AP4S1: variants seen among roughly 807,000 people sequenced by gnomAD.
AP4S1 encodes AP-4 complex subunit sigma-1.
A neutral mutation model predicts 19.8 loss-of-function variants in AP4S1; 23 were observed. That is an observed-to-expected ratio of 1.16 (90% confidence interval 0.84 to 1.65). The LOEUF (loss-of-function observed/expected upper bound fraction) is 1.65. Among genes scored for constraint, AP4S1 ranks in the 40% most tolerant of loss-of-function variants. AP4S1 has a pLI of 0.00. For missense variants in AP4S1, 166 were observed against 172.8 expected (o/e 0.96, Z 0.22); for synonymous variants, 46 against 54.1 (o/e 0.85, Z 0.66).
chr14:31,066,586 C>T (rs1886730311), intron 2 of AP4S1, among the ~76,000 whole-genome samples: 1 of 152,148 alleles, frequency 6.6e-6, no homozygotes, highest in Non-Finnish European at 1.5e-5. Context: ...CTCAATGCAC[C>T]TTGGAAACGA....
At chr14:31,088,221 C>T (rs956773780) in intron 5 of AP4S1, among the ~76,000 whole-genome samples, 2 of 152,144 alleles carry the variant, frequency 1.3e-5, no homozygotes, top group Admixed American at 1.3e-4. Flanking sequence ...TTTCAGGAGC[C>T]CGCTAGGTGC....
At chr14:31,064,962 A>G (rs1388296912) in intron 1 of AP4S1, among the ~76,000 whole-genome samples, 1 of 152,180 alleles carries the variant, frequency 6.6e-6, no homozygotes, top group East Asian at 1.9e-4. Context: ...TCAAAAATAA[A>G]GTAAGGATAA....
chr14:31,047,001 A>G (rs1348070624), intron 1 of AP4S1, among the ~76,000 whole-genome samples: 1 of 152,178 alleles, frequency 6.6e-6, no homozygotes, highest in Non-Finnish European at 1.5e-5. Flanking sequence ...TCCACATCTT[A>G]GCATTTGTTA....
At chr14:31,058,515 C>CTG in intron 1 of AP4S1, among the ~76,000 whole-genome samples, 1 of 132,648 alleles carries the variant, frequency 7.5e-6, no homozygotes, top group South Asian at 2.5e-4. Context: ...TCTTCCCCAT[C>CTG]TCTGTGTGTG....
intron 1 of AP4S1, among the ~76,000 whole-genome samples, chr14:31,058,391 G>T (rs1287872133): frequency 6.6e-6 from 1 of 152,154 alleles, no homozygotes; most frequent in Non-Finnish European, 1.5e-5. Flanking sequence ...CACCATTTGT[G>T]TAATGCTTTC....
Position 31,025,704 on chromosome 14 carries a change from T to C in AP4S1, c.-155T>C, listed in dbSNP as rs1267428840. ...GCCCGCACCGCGTAGCCAGTGAAGG[T>C]TGGGGAGCAAGCTTATGCGGGAAAG... is the stretch of plus-strand genomic sequence containing the variant. On this transcript the variant is annotated 5_prime_UTR_variant, in exon 1 of 6. Transcript: ENST00000542754. 8 of 774,140 alleles carry C rather than the reference T, an allele frequency of 1.0e-5. No individual in the cohort carries two copies. The highest frequency in any genetic ancestry group is 9.3e-5 in the Admixed American group (3 of 32,360). 48.0% of individuals were successfully genotyped at this position (774,140 alleles called of 1,614,324 possible).
chr14:31,077,739 C>CT (rs71112379), intron 4 of AP4S1, among the ~76,000 whole-genome samples: 28,366 of 135,156 alleles, frequency 0.21, 3,324 homozygotes, highest in African/African-American at 0.26. Context: ...TTTCTTTTTT[C>CT]TTTTTTTTTT....
At chr14:31,082,818 C>T (rs1228483723) in intron 5 of AP4S1, among the ~76,000 whole-genome samples, 1 of 151,958 alleles carries the variant, frequency 6.6e-6, no homozygotes, top group Admixed American at 6.6e-5. Context: ...ATGGCGTGAA[C>T]CCGGGAGGCG....
chr14:31,033,246 C>T (rs1265723837), intron 1 of AP4S1, among the ~76,000 whole-genome samples: 1 of 151,936 alleles, frequency 6.6e-6, no homozygotes, highest in Non-Finnish European at 1.5e-5. Flanking sequence ...TGGAGTCTCG[C>T]TCTGTCACCC....
At chr14:31,074,360 TAAATA>T (rs758942699) in intron 4 of AP4S1, among the ~76,000 whole-genome samples, 17,331 of 133,514 alleles carry the variant, frequency 0.13, 1,354 homozygotes, top group Middle Eastern at 0.22. Context: ...AATAAATAAA[TAAATA>T]AAGTAAGCTG....
At chr14:31,084,719 G>A in intron 5 of AP4S1, 1 of 1,612,334 alleles carries the variant, frequency 6.2e-7, no homozygotes, top group Non-Finnish European at 8.5e-7. Context: ...ACATACCTTG[G>A]TAGATTTATT....
intron 1 of AP4S1, chr14:31,026,309 G>T (rs1883928594): frequency 1.9e-6 from 2 of 1,067,914 alleles, no homozygotes; most frequent in South Asian, 2.3e-5. Context: ...GGAAGGGGTC[G>T]TTGCTGTGTG....
At chr14:31,073,334 C>CAA (rs1271349831) in intron 4 of AP4S1, 1 of 204,704 alleles carries the variant, frequency 4.9e-6, no homozygotes, top group African/African-American at 2.4e-5. Flanking sequence ...ACTAAAAATA[C>CAA]AAAAAATTAG....
At position 31,072,756 on chromosome 14, in the gene AP4S1, A is replaced by C. The variant is rs1452232652; in HGVS notation, c.226-149A>C. On this transcript the variant is annotated intron_variant, in intron 3 of 5. Transcript: ENST00000542754. ...ACAAGTGAGTGATAGAACTGTTCTG[A>C]ATATTTGTCAGTGGGAGGCTACTTT... 4 of 676,024 alleles carry C rather than the reference A, an allele frequency of 5.9e-6. 1 individual carries two copies. Among genetic ancestry groups the C allele is most frequent in the South Asian group, 5.0e-5 (3 of 59,610 alleles). 41.9% of individuals were successfully genotyped at this position (676,024 alleles called of 1,614,324 possible).
intron 1 of AP4S1, among the ~76,000 whole-genome samples, chr14:31,043,536 G>A (rs1460953756): frequency 6.6e-6 from 1 of 152,150 alleles, no homozygotes. Context: ...CTACACTGGA[G>A]AGTAGGATGA....
intron 1 of AP4S1, among the ~76,000 whole-genome samples, chr14:31,045,464 C>T (rs1241023154): frequency 1.3e-5 from 2 of 152,104 alleles, no homozygotes; most frequent in African/African-American, 2.4e-5. Context: ...TCTGCTGTGA[C>T]CCTTTCCCCC....
chr14:31,066,948 G>A (rs557796192), intron 2 of AP4S1, among the ~76,000 whole-genome samples: 2 of 152,182 alleles, frequency 1.3e-5, no homozygotes, highest in Non-Finnish European at 2.9e-5. Flanking sequence ...CAAAATGGAG[G>A]TTAAGGCTGG....
intron 1 of AP4S1, among the ~76,000 whole-genome samples, chr14:31,037,534 C>CAT (rs1884853667): frequency 6.6e-6 from 1 of 152,134 alleles, no homozygotes; most frequent in African/African-American, 2.4e-5. Context: ...CATCCGACCA[C>CAT]TATTAAAGTC....
At chr14:31,057,228 A>C (rs566028332) in intron 1 of AP4S1, among the ~76,000 whole-genome samples, 5 of 152,312 alleles carry the variant, frequency 3.3e-5, no homozygotes, top group African/African-American at 4.8e-5. Flanking sequence ...TCCCATCTAC[A>C]AAATGAAGGG....
Sources: allele counts gnomAD v4.1 joint callset (sites outside exome capture counted in the v4.1 genomes callset), GRCh38; gene constraint gnomAD v4.1.1; transcripts MANE v1.5; gene names NCBI Gene and HGNC (gene_info 2026-07-23, HGNC 2026-07-21).